Variants in AGO4 observed in about 807,000 individuals in gnomAD.
AGO4 encodes argonaute RISC component 4.
A neutral mutation model predicts 104.7 loss-of-function variants in AGO4; 33 were observed. That is an observed-to-expected ratio of 0.32 (90% CI 0.24 to 0.42). The LOEUF (loss-of-function observed/expected upper bound fraction) is 0.42. Among genes scored for constraint, AGO4 ranks in the 10% least tolerant of loss-of-function variants. The pLI, the probability that AGO4 is intolerant of heterozygous loss-of-function variation, is 1.00. For missense variants in AGO4, 711 were observed against 1,083.4 expected, an observed-to-expected ratio of 0.66 and a Z score of 4.83; for synonymous variants, 331 against 364.7, an observed-to-expected ratio of 0.91 and a Z score of 1.05.
chr1:35,825,584 A>G (rs943121920), intron 4 of AGO4, 90 bp downstream of exon 4: 14 of 1,537,968 alleles, frequency 9.1e-6, no homozygotes, highest in African/African-American at 2.8e-5. Context: ...TGCATAAGTC[A>G]TTGTTCAAAT....
upstream of AGO4, among the ~76,000 whole-genome samples, chr1:35,807,887 G>C (rs1298665602): frequency 6.6e-6 from 1 of 152,024 alleles, no homozygotes; most frequent in Admixed American, 6.5e-5. Context: ...AGGACGCCCT[G>C]GGGGGATGGC....
intron 2 of AGO4, among the ~76,000 whole-genome samples, chr1:35,821,929 C>T (rs1234232097): frequency 6.6e-6 from 1 of 151,630 alleles, no homozygotes; most frequent in Admixed American, 6.6e-5. Flanking sequence ...ACTCTGTTGC[C>T]CAGGCTGGAG....
rs1297974014 is a variant in AGO4 at position 35,855,123 on chromosome 1, C to T, written c.*1518C>T. On this transcript the variant is annotated 3_prime_UTR_variant, in exon 18 of 18. Transcript: ENST00000373210. ...GTCTTGGTAGCACCAGCCAGTGTTT[C>T]CCAGCCCAGAGTTTACTGACTTGTA... is the stretch of plus-strand genomic sequence containing the variant. 6.6e-6 allele frequency: 1 copy of T among 152,402 alleles called. No homozygotes were observed. Among genetic ancestry groups the T allele is most frequent in the African/African-American group, 2.4e-5 (1 of 41,404 alleles). The allele number at this position is 152,402 out of a possible 1,614,324, so 9.4% of individuals were successfully genotyped here. A position where few individuals can be genotyped will look rare whatever the true frequency, so the allele number is the denominator to read the frequency against.
chr1:35,822,892 C>T lies in AGO4; in HGVS notation c.216C>T (p.Phe72=), dbSNP rs760305306. The change falls in exon 3 of 18, where the codon TTC becomes TTT. Residue 72 remains phenylalanine (F), a synonymous_variant. Coordinates refer to ENST00000373210, the MANE Select transcript of AGO4 (RefSeq NM_017629.4). The part of the protein sequence containing the change: ...REVVDTMVRH[F]KMQIFGDRQP... ...TAGTAGATACAATGGTGCGGCACTT[C>T]AAGATGCAAATATTTGGTGATCGGC... 2 of 1,614,052 alleles carry T rather than the reference C, an allele frequency of 1.2e-6. No individual in the cohort carries two copies. Among genetic ancestry groups the T allele is most frequent in the Admixed American group, 3.3e-5 (2 of 59,996 alleles).
rs988380971 is a variant in AGO4, at chr1:35,808,614, G to A, written c.19+179G>A. ...CCCGGGCCTGGGGGGCGGTGACCGC[G>A]CCCCAGCCGGCCGTTGGGTGGATCC... is the stretch of plus-strand genomic sequence containing the variant. On this transcript the variant is annotated intron_variant, in intron 1 of 17. Coordinates refer to ENST00000373210, the MANE Select transcript of AGO4 (RefSeq NM_017629.4). This position sits in a 1 kb window ranked among gnomAD's most constrained non-coding sequence, Gnocchi z 5.2. Among the ~76,000 whole-genome samples, 1 of 152,050 alleles carries A rather than the reference G, an allele frequency of 6.6e-6. No homozygotes were observed. Among genetic ancestry groups the A allele is most frequent in the South Asian group, 2.1e-4 (1 of 4,828 alleles).
At position 35,808,307 on chromosome 1, in the gene AGO4, C is replaced by G. The variant is rs1165922761; in HGVS notation, c.-110C>G. The G allele has an allele frequency of 3.0e-6, 2 of 665,422 alleles. No individual in the cohort carries two copies. Among genetic ancestry groups the G allele is most frequent in the African/African-American group, 2.0e-5 (1 of 50,484 alleles). The allele number at this position is 665,422 out of a possible 1,614,324, so 41.2% of individuals were successfully genotyped here. ...GCGCCCGCGTCTCCGCGGCGCCACC[C>G]CAGCGCCAATATTCCGGAGATCAAG... On this transcript the variant is annotated 5_prime_UTR_variant, in exon 1 of 18. Transcript: ENST00000373210. This position sits in a 1 kb window ranked among gnomAD's most constrained non-coding sequence, Gnocchi z 5.2.
rs1385701697 is a variant in AGO4, at chr1:35,811,094, T to G, written c.19+2659T>G. On this transcript the variant is annotated intron_variant, in intron 1 of 17. Transcript: ENST00000373210. ...CTTGAGCCTGCGAGGCAGAGGATGC[T>G]GCGAGCTGAGATCGCACCTCAAAAA... is the stretch of plus-strand genomic sequence containing the variant. Among the ~76,000 whole-genome samples, 2 of 151,882 alleles carry G rather than the reference T, an allele frequency of 1.3e-5. 1 individual carries two copies. Among genetic ancestry groups the G allele is most frequent in the Admixed American group, 1.3e-4 (2 of 15,242 alleles).
At chr1:35,829,191 C>T (rs1160496023) in intron 7 of AGO4, among the ~76,000 whole-genome samples, 2 of 151,786 alleles carry the variant, frequency 1.3e-5, no homozygotes, top group Non-Finnish European at 2.9e-5. Flanking sequence ...TGCATTATTT[C>T]AGTCTGATTG....
chr1:35,844,655 C>A (rs1355977239), intron 15 of AGO4, among the ~76,000 whole-genome samples: 1 of 152,146 alleles, frequency 6.6e-6, no homozygotes, highest in East Asian at 1.9e-4. Flanking sequence ...TGCTTTCCTG[C>A]CCCCATCCTG....
At chr1:35,844,859 G>A (rs777705902) in intron 15 of AGO4, among the ~76,000 whole-genome samples, 2 of 151,984 alleles carry the variant, frequency 1.3e-5, no homozygotes, top group African/African-American at 2.4e-5. Flanking sequence ...TTCCTTTCAC[G>A]ACTAAACTTT....
chr1:35,851,044 A>G lies in AGO4; in HGVS notation c.2468A>G (p.Asp823Gly). Reference sequence around the variant, plus strand: ...GCAAGGTATCATCTGGTGGATAAAGATCATGACAGGCAAGTTTCTTAGGCA... The same window carrying G: ...GCAAGGTATCATCTGGTGGATAAAGGTCATGACAGGCAAGTTTCTTAGGCA... ...FRARYHLVDK[D>G]HDSAEGSHVS... The change falls in exon 17 of 18, where the codon GAT becomes GGT. Residue 823 changes from aspartate to glycine, a missense_variant. This residue lies in a region of AGO4 where 401 missense variants were observed against 665.5 expected (regional missense o/e 0.60). Transcript: ENST00000373210. 2 of 1,610,572 alleles carry G rather than the reference A, an allele frequency of 1.2e-6. No individual in the cohort carries two copies. The highest frequency in any genetic ancestry group is 1.7e-6 in the Non-Finnish European group (2 of 1,178,144).
Position 35,832,539 on chromosome 1 carries a change from C to T in AGO4, c.1348C>T (p.Pro450Ser). The T allele has an allele frequency of 6.2e-7, 1 of 1,613,392 alleles. No homozygotes were observed. The highest frequency in any genetic ancestry group is 1.7e-5 in the Admixed American group (1 of 59,782). The change falls in exon 11 of 18, where the codon CCT (proline) becomes TCT (serine). Residue 450 changes from proline to serine, a missense_variant. Pro to Ser is a moderately conservative substitution (Grantham distance 74). Around this residue, in one of 3 missense-constraint regions of AGO4, gnomAD observed 401 missense variants for 665.5 expected, o/e 0.60. Coordinates refer to ENST00000373210, the MANE Select transcript of AGO4 (RefSeq NM_017629.4). ...AGTTTGGGCAGTTGCTTGTTTTGCA[C>T]CTCAGAAACAATGTAGGGAAGATTT... Reference protein sequence around the residue: ...IKVWAVACFAPQKQCREDLLK... With the variant: ...IKVWAVACFASQKQCREDLLK...
At chr1:35,843,723 TG>T (rs1644502803) in intron 15 of AGO4, among the ~76,000 whole-genome samples, 1 of 152,234 alleles carries the variant, frequency 6.6e-6, no homozygotes, top group Non-Finnish European at 1.5e-5. Flanking sequence ...GCCTGACCTC[TG>T]GGCACAAAAC....
chr1:35,835,915 C>T lies in AGO4; in HGVS notation c.1646C>T (p.Pro549Leu), dbSNP rs1238640224. ...GTAAAAAATGTAGTGAAGACCTCAC[C>T]TCAAACCCTTTCCAATCTTTGCCTG... is the stretch of plus-strand genomic sequence containing the variant. The part of the protein sequence containing the change: ...VQVKNVVKTS[P>L]QTLSNLCLKI... The change falls in exon 13 of 18, where the codon CCT becomes CTT. Residue 549 changes from proline (P) to leucine (L), a missense_variant. By Grantham distance (98) the Pro-to-Leu change is moderately conservative. Transcript: ENST00000373210. 1 of 1,614,076 alleles carries T rather than the reference C, an allele frequency of 6.2e-7. No homozygotes were observed. The highest frequency in any genetic ancestry group is 8.5e-7 in the Non-Finnish European group (1 of 1,179,982).
At chr1:35,823,193 A>T (rs1044472930) in intron 3 of AGO4, among the ~76,000 whole-genome samples, 8 of 152,206 alleles carry the variant, frequency 5.3e-5, no homozygotes, top group Admixed American at 2.6e-4. Context: ...TATCAATTTT[A>T]AAAAATCTGT....
intron 2 of AGO4, among the ~76,000 whole-genome samples, chr1:35,819,060 G>T (rs546611266): frequency 3.3e-5 from 5 of 152,160 alleles, no homozygotes; most frequent in African/African-American, 1.2e-4. Context: ...ATAGTGATGA[G>T]AAGTGGTCAG....
intron 2 of AGO4, 84 bp from the exon 3 acceptor site, chr1:35,822,778 T>G (rs1054218785): frequency 6.5e-7 from 1 of 1,546,714 alleles, no homozygotes; most frequent in Non-Finnish European, 8.9e-7. Context: ...CTGAACCGAA[T>G]TTAAATGATT....
chr1:35,832,906 T>A (rs561115339), intron 11 of AGO4, among the ~76,000 whole-genome samples: 6 of 152,220 alleles, frequency 3.9e-5, no homozygotes, highest in African/African-American at 1.4e-4. Flanking sequence ...TTAATCGTTA[T>A]AATTTACTAA....
rs1040298418 is a variant in AGO4, at chr1:35,855,309, T to A, written c.*1704T>A. On this transcript the variant is annotated 3_prime_UTR_variant, in exon 18 of 18. Coordinates refer to ENST00000373210, the MANE Select transcript of AGO4 (RefSeq NM_017629.4). ...CTGGAAACTGCTGGTGGGGAAATGATGGTGAAGGGTGTTTGCTTGAACTCA... is the reference window on the plus strand; with the variant it reads ...CTGGAAACTGCTGGTGGGGAAATGAAGGTGAAGGGTGTTTGCTTGAACTCA... 1 of 152,718 alleles carries A rather than the reference T, an allele frequency of 6.5e-6. No homozygotes were observed. Among genetic ancestry groups the A allele is most frequent in the African/African-American group, 2.4e-5 (1 of 41,436 alleles). The allele number at this position is 152,718 out of a possible 1,614,324, so 9.5% of individuals were successfully genotyped here.
Sources: gnomAD v4.1 joint callset for allele counts (sites outside exome capture counted in the v4.1 genomes callset) on GRCh38, gnomAD v4.1.1 for gene constraint, gnomAD v4.1.1 regional missense constraint, Gnocchi (gnomAD v3.1) non-coding constraint, MANE v1.5 for transcripts, NCBI Gene and HGNC (gene_info 2026-07-23, HGNC 2026-07-21) for gene names.